Variants in PEX14 observed in about 807,000 individuals in gnomAD.
The protein encoded by PEX14 is peroxisomal biogenesis factor 14, also known as peroxisomal membrane protein PEX14.
In PEX14, 15 loss-of-function variants were observed where a neutral mutation model predicts 49.5. That is an observed-to-expected ratio of 0.30 (90% CI 0.20 to 0.47). The LOEUF (loss-of-function observed/expected upper bound fraction) is 0.47, where lower values mean the gene tolerates loss of function less well. PEX14 is among the 20% of genes least tolerant of loss of function. The pLI is 1.00. For synonymous variants in PEX14, 210 were observed against 212.7 expected (o/e 0.99, Z 0.11); for missense variants, 398 against 494.8 (o/e 0.80, Z 1.86).
intron 3 of PEX14, among the ~76,000 whole-genome samples, chr1:10,590,105 G>A (rs1056679898): frequency 2.0e-5 from 3 of 152,286 alleles, no homozygotes; most frequent in African/African-American, 7.2e-5. Flanking sequence ...CAGATAGGCC[G>A]GTTCATGTCT....
chr1:10,546,927 C>G (rs1461650827), intron 3 of PEX14, among the ~76,000 whole-genome samples: 1 of 152,080 alleles, frequency 6.6e-6, no homozygotes, highest in East Asian at 1.9e-4. Context: ...TGGTTAGGCA[C>G]TTACTCACTT....
At chr1:10,607,276 A>T (rs1641154948) in intron 4 of PEX14, among the ~76,000 whole-genome samples, 1 of 152,108 alleles carries the variant, frequency 6.6e-6, no homozygotes, top group Non-Finnish European at 1.5e-5. Context: ...GATGCACCAC[A>T]GTTTGTTTAT....
intron 3 of PEX14, among the ~76,000 whole-genome samples, chr1:10,598,042 C>G (rs1640876271): frequency 6.6e-6 from 1 of 152,204 alleles, no homozygotes; most frequent in African/African-American, 2.4e-5. Context: ...ACTTCATCTA[C>G]CCCCAGGGGC....
chr1:10,599,365 C>T lies in PEX14; in HGVS notation c.297C>T (p.Tyr99=), dbSNP rs371473184. The change falls in exon 4 of 9, where the codon TAC becomes TAT. Residue 99 remains tyrosine (Y), a splice_region_variant and synonymous_variant. Coordinates refer to ENST00000356607, the MANE Select transcript of PEX14 (RefSeq NM_004565.3). ...CCCCTCACCTCATATCTCAGCCATA[C>T]AGTAAGTCACCCGCTCAAACTCCTG... ...VQPPHLISQP[Y]SPAGSRWRDY... 1.1e-5 allele frequency: 18 copies of T among 1,614,060 alleles called. No individual in the cohort carries two copies. Among genetic ancestry groups the T allele is most frequent in the African/African-American group, 9.3e-5 (7 of 74,920 alleles).
At chr1:10,625,602 A>G (rs1468726397) in intron 7 of PEX14, among the ~76,000 whole-genome samples, 2 of 152,186 alleles carry the variant, frequency 1.3e-5, no homozygotes, top group Non-Finnish European at 2.9e-5. Flanking sequence ...GGCTGTGGGT[A>G]CTGGTGACCA....
chr1:10,551,445 C>CG (rs1462735556), intron 3 of PEX14, among the ~76,000 whole-genome samples: 2 of 152,158 alleles, frequency 1.3e-5, no homozygotes, highest in African/African-American at 4.8e-5. Flanking sequence ...CATTACACAG[C>CG]GCGCTGGAGG....
chr1:10,499,600 C>T (rs747984214), intron 2 of PEX14, among the ~76,000 whole-genome samples: 32 of 152,046 alleles, frequency 2.1e-4, no homozygotes, highest in Admixed American at 1.2e-3. Context: ...AGGTACGCGC[C>T]GCCATGCCCA....
chr1:10,598,933 T>C (rs1450294080), intron 3 of PEX14, among the ~76,000 whole-genome samples: 1 of 152,078 alleles, frequency 6.6e-6, no homozygotes, highest in Non-Finnish European at 1.5e-5. Flanking sequence ...CAGTTGATGG[T>C]ATCTGTTTTC....
Position 10,512,858 on chromosome 1 carries a change from C to T in PEX14, c.84+17537C>T, listed in dbSNP as rs961511010. 1.3e-5 allele frequency among the ~76,000 whole-genome samples: 2 copies of T among 152,098 alleles called. No homozygotes were observed. The highest frequency in any genetic ancestry group is 2.4e-5 in the African/African-American group (1 of 41,416). ...GACTACAGGCGTGTGCCACCACGCC[C>T]GGCTAATTTTTTGTATTTTTAGTAG... On this transcript the variant is annotated intron_variant, in intron 2 of 8. Transcript: ENST00000356607. The surrounding 1 kb of genome is among the most constrained non-coding windows in gnomAD (Gnocchi z 4.6).
intron 3 of PEX14, among the ~76,000 whole-genome samples, chr1:10,547,798 G>C (rs1020305566): frequency 9.9e-5 from 15 of 152,098 alleles, no homozygotes; most frequent in African/African-American, 3.4e-4. Flanking sequence ...TGCTTTTTTA[G>C]TCTATTATTA....
chr1:10,568,415 T>C (rs990658527), intron 3 of PEX14, among the ~76,000 whole-genome samples: 1 of 149,420 alleles, frequency 6.7e-6, no homozygotes, highest in South Asian at 2.1e-4. Flanking sequence ...TAAGAATGGA[T>C]ATCGAATTAT....
intron 1 of PEX14, among the ~76,000 whole-genome samples, chr1:10,491,472 C>CT (rs1449393726): frequency 1.3e-5 from 2 of 150,034 alleles, no homozygotes; most frequent in East Asian, 3.9e-4. Flanking sequence ...TCTCTGCCTC[C>CT]TGGGATCAAG....
At chr1:10,518,772 G>A (rs1420539980) in intron 2 of PEX14, among the ~76,000 whole-genome samples, 3 of 152,120 alleles carry the variant, frequency 2.0e-5, no homozygotes, top group Non-Finnish European at 4.4e-5. Context: ...GCCCTTGCCC[G>A]AAATGCTGAT....
At chr1:10,520,892 TG>T (rs1399956442) in intron 2 of PEX14, among the ~76,000 whole-genome samples, 2 of 152,194 alleles carry the variant, frequency 1.3e-5, no homozygotes, top group African/African-American at 4.8e-5. Context: ...GACTTGCTAA[TG>T]ATTTCTCTTC....
intron 2 of PEX14, among the ~76,000 whole-genome samples, chr1:10,526,181 A>G (rs1381603781): frequency 1.3e-5 from 2 of 149,988 alleles, no homozygotes; most frequent in Non-Finnish European, 3.0e-5. Flanking sequence ...CAGCCTCCCA[A>G]AGTGCTGGGA....
Position 10,622,991 on chromosome 1 carries a change from A to G in PEX14, c.385-28A>G, listed in dbSNP as rs760648862. 3 of 1,493,276 alleles carry G rather than the reference A, an allele frequency of 2.0e-6. No individual in the cohort carries two copies. In the Admixed American group the frequency reaches 5.1e-5, roughly 25 times the overall value. The allele number at this position is 1,493,276 out of a possible 1,614,324, so 92.5% of individuals were successfully genotyped here. ...GGAGGATAACCCCGGGTCCGTATGCATTCCTCACCCTGTCCCGCTTCTTGC... is the reference window on the plus strand; with the variant it reads ...GGAGGATAACCCCGGGTCCGTATGCGTTCCTCACCCTGTCCCGCTTCTTGC... On this transcript the variant is annotated intron_variant, in intron 5 of 8. Coordinates refer to ENST00000356607, the MANE Select transcript of PEX14 (RefSeq NM_004565.3).
intron 2 of PEX14, among the ~76,000 whole-genome samples, chr1:10,509,722 A>G (rs904819380): frequency 2.6e-5 from 4 of 152,146 alleles, no homozygotes; most frequent in Non-Finnish European, 4.4e-5. Flanking sequence ...TTTTAAATGT[A>G]TTTAATCATT....
At chr1:10,588,214 C>T (rs1391267028) in intron 3 of PEX14, among the ~76,000 whole-genome samples, 9 of 148,942 alleles carry the variant, frequency 6.0e-5, no homozygotes, top group South Asian at 2.1e-4. Flanking sequence ...AGCGAGACTC[C>T]GTCTCAAAAA....
At chr1:10,603,367 A>T (rs1386620228) in intron 4 of PEX14, among the ~76,000 whole-genome samples, 4 of 152,246 alleles carry the variant, frequency 2.6e-5, no homozygotes, top group Admixed American at 1.3e-4. Flanking sequence ...AAAATTAATT[A>T]TACAGACAAG....
Sources: allele counts gnomAD v4.1 joint callset (sites outside exome capture counted in the v4.1 genomes callset), GRCh38; gene constraint gnomAD v4.1.1; non-coding constraint Gnocchi (gnomAD v3.1); transcripts MANE v1.5; gene names NCBI Gene and HGNC (gene_info 2026-07-23, HGNC 2026-07-21).